UNC5D: variants seen among roughly 807,000 people sequenced by gnomAD.
UNC5D encodes the protein unc-5 netrin receptor D, also known as netrin receptor UNC5D.
UNC5D carries 39 observed loss-of-function variants against 105.4 expected under a neutral mutation model. The observed-to-expected ratio is 0.37, with a 90% CI of 0.29 to 0.48. UNC5D has a LOEUF of 0.48. Among genes scored for constraint, UNC5D ranks in the 20% least tolerant of loss-of-function variants. The probability of loss-of-function intolerance (pLI) is 0.98; values close to 1 mark genes in which losing one functional copy is unlikely to be tolerated. For missense variants in UNC5D, 991 were observed against 1,202.4 expected (o/e 0.82, Z 2.60); for synonymous variants, 452 against 450.4 (o/e 1.00, Z -0.04).
intron 1 of UNC5D, among the ~76,000 whole-genome samples, chr8:35,464,548 A>G (rs780882809): frequency 1.3e-5 from 2 of 152,034 alleles, no homozygotes; most frequent in Non-Finnish European, 2.9e-5. Flanking sequence ...TGCAGCTTTC[A>G]TTTTTCACTA....
At chr8:35,554,519 T>C (rs1365873397) in intron 2 of UNC5D, among the ~76,000 whole-genome samples, 1 of 152,178 alleles carries the variant, frequency 6.6e-6, no homozygotes, top group Non-Finnish European at 1.5e-5. Context: ...CCAGGAATCA[T>C]ACCCCTGTGA....
chr8:35,336,229 G>A (rs896503755), intron 1 of UNC5D, among the ~76,000 whole-genome samples: 3 of 152,130 alleles, frequency 2.0e-5, no homozygotes, highest in Non-Finnish European at 4.4e-5. Context: ...TTGGTGCATT[G>A]TAATCTCTAG....
At position 35,670,657 on chromosome 8, in the gene UNC5D, A is replaced by G. The variant is rs375451551; in HGVS notation, c.571-12890A>G. 5.3e-5 allele frequency among the ~76,000 whole-genome samples: 8 copies of G among 152,210 alleles called. No individual in the cohort carries two copies. In the East Asian group the frequency reaches 1.2e-3, roughly 22 times the overall value. On this transcript the variant is annotated intron_variant, in intron 4 of 16. Coordinates refer to ENST00000404895, the MANE Select transcript of UNC5D (RefSeq NM_080872.4). ...CTCACTTATAAGTGGGAGTTGAACA[A>G]TGAGAACACATGGACACAGGGAGGG...
chr8:35,498,079 C>CAAAAAAAAAA (rs141361517), intron 1 of UNC5D, among the ~76,000 whole-genome samples: 1 of 59,414 alleles, frequency 1.7e-5, no homozygotes, highest in African/African-American at 4.3e-5. Flanking sequence ...CAAAACAAAA[C>CAAAAAAAAAA]AAAACAAAAA....
At chr8:35,514,586 A>G (rs1411812736) in intron 1 of UNC5D, among the ~76,000 whole-genome samples, 1 of 152,188 alleles carries the variant, frequency 6.6e-6, no homozygotes, top group Admixed American at 6.5e-5. Context: ...GACCCAAGAG[A>G]TGCTACTAAC....
chr8:35,610,066 C>T (rs1820571545), intron 4 of UNC5D, among the ~76,000 whole-genome samples: 1 of 151,822 alleles, frequency 6.6e-6, no homozygotes, highest in African/African-American at 2.4e-5. Context: ...GAAATGTTCT[C>T]GTGTACCTAC....
intron 9 of UNC5D, among the ~76,000 whole-genome samples, chr8:35,723,137 C>T (rs1461899830): frequency 6.6e-6 from 1 of 152,150 alleles, no homozygotes; most frequent in African/African-American, 2.4e-5. Flanking sequence ...TACCTTGACC[C>T]TCATCGTCAA....
At chr8:35,513,369 C>T (rs1334690677) in intron 1 of UNC5D, among the ~76,000 whole-genome samples, 1 of 151,984 alleles carries the variant, frequency 6.6e-6, no homozygotes, top group Admixed American at 6.6e-5. Flanking sequence ...GCTGGGATTA[C>T]AGGCACGTGC....
intron 1 of UNC5D, among the ~76,000 whole-genome samples, chr8:35,407,037 T>C (rs758531563): frequency 1.3e-5 from 2 of 152,122 alleles, no homozygotes; most frequent in Non-Finnish European, 2.9e-5. Context: ...ATGACCATGG[T>C]CCTGCAAGAT....
intron 7 of UNC5D, among the ~76,000 whole-genome samples, chr8:35,691,071 G>T (rs1215398601): frequency 6.6e-6 from 1 of 152,200 alleles, no homozygotes; most frequent in African/African-American, 2.4e-5. Flanking sequence ...AGATGAAGCT[G>T]CCAGCTCTGA....
intron 1 of UNC5D, among the ~76,000 whole-genome samples, chr8:35,540,207 A>C (rs1001638527): frequency 1.3e-5 from 2 of 152,234 alleles, no homozygotes; most frequent in African/African-American, 4.8e-5. Context: ...GGGAGGAATT[A>C]AACAATTTAT....
chr8:35,686,101 A>G (rs1272168898), intron 6 of UNC5D, among the ~76,000 whole-genome samples: 1 of 152,134 alleles, frequency 6.6e-6, no homozygotes, highest in Non-Finnish European at 1.5e-5. Context: ...GTTTAACTTT[A>G]TATTGTTTAG....
chr8:35,788,675 T>C lies in UNC5D; in HGVS notation c.2658-1684T>C, dbSNP rs1263615017. On this transcript the variant is annotated intron_variant, in intron 16 of 16. Coordinates refer to ENST00000404895, the MANE Select transcript of UNC5D (RefSeq NM_080872.4). ...TACCCTTCAGGTGTTTGTGGTCAAA[T>C]TGGGAAGGCAGAAAACACACACACG... Among the ~76,000 whole-genome samples the C allele has an allele frequency of 2.7e-5, 4 of 149,666 alleles. No individual in the cohort carries two copies. In the East Asian group the frequency reaches 7.8e-4, roughly 29 times the overall value.
chr8:35,290,689 C>CT, intron 1 of UNC5D, among the ~76,000 whole-genome samples: 1 of 152,066 alleles, frequency 6.6e-6, no homozygotes, highest in Middle Eastern at 3.4e-3. Flanking sequence ...TGGTTCATGC[C>CT]TGTAATCCCA....
In UNC5D at chr8:35,603,615, G is replaced by A. The variant is rs573159466; in HGVS notation, c.570+7958G>A. Among the ~76,000 whole-genome samples, 480 of 151,918 alleles carry A rather than the reference G, an allele frequency of 3.2e-3. 6 individuals carry two copies. The highest frequency in any genetic ancestry group is 0.011 in the African/African-American group (457 of 41,412). On this transcript the variant is annotated intron_variant, in intron 4 of 16. Coordinates refer to ENST00000404895, the MANE Select transcript of UNC5D (RefSeq NM_080872.4). Reference sequence around the variant, plus strand: ...GGTATCCTTGTTGACTTTCTGTCTCGTTGATCTGTCTAATGTTGACAGTGG... The same window carrying A: ...GGTATCCTTGTTGACTTTCTGTCTCATTGATCTGTCTAATGTTGACAGTGG...
chr8:35,374,156 C>T, intron 1 of UNC5D, among the ~76,000 whole-genome samples: 1 of 152,132 alleles, frequency 6.6e-6, no homozygotes. Flanking sequence ...AACCACTGTA[C>T]CTTCACTTTG....
intron 3 of UNC5D, among the ~76,000 whole-genome samples, chr8:35,569,452 A>T (rs1044936927): frequency 3.9e-5 from 6 of 152,222 alleles, no homozygotes; most frequent in African/African-American, 1.4e-4. Flanking sequence ...CTATTTGCAG[A>T]GACATTTATG....
At chr8:35,788,051 C>T (rs1802829998) in intron 16 of UNC5D, among the ~76,000 whole-genome samples, 2 of 152,114 alleles carry the variant, frequency 1.3e-5, no homozygotes, top group Admixed American at 1.3e-4. Context: ...TGTTTTTAAG[C>T]CGGCCTTTTC....
chr8:35,644,282 A>G (rs1822921061), intron 4 of UNC5D, among the ~76,000 whole-genome samples: 1 of 152,112 alleles, frequency 6.6e-6, no homozygotes, highest in Non-Finnish European at 1.5e-5. Context: ...GGGTAACAGG[A>G]ATCCCATAGG....
Sources: gnomAD v4.1 joint callset for allele counts (sites outside exome capture counted in the v4.1 genomes callset) on GRCh38, gnomAD v4.1.1 for gene constraint, MANE v1.5 for transcripts, NCBI Gene and HGNC (gene_info 2026-07-23, HGNC 2026-07-21) for gene names.